The following EVPL variants were observed in gnomAD, a reference collection of about 807,000 sequenced individuals.
The protein encoded by EVPL is envoplakin.
A neutral mutation model predicts 129.7 loss-of-function variants in EVPL; 94 were observed. That is an observed-to-expected ratio of 0.72 (90% CI 0.61 to 0.86). The LOEUF (loss-of-function observed/expected upper bound fraction) is 0.86, where lower values mean the gene tolerates loss of function less well. Ranked by LOEUF, EVPL falls within the 40% of genes least tolerant of loss-of-function variation. The pLI, the probability that EVPL is intolerant of heterozygous loss-of-function variation, is 0.00. For synonymous variants in EVPL, 1,172 were observed against 1,191.1 expected (o/e 0.98, Z 0.33); for missense variants, 2,625 against 2,721.1 (o/e 0.96, Z 0.79).
At position 76,008,600 on chromosome 17, in the gene EVPL, C is replaced by T. The variant is rs2066344464; in HGVS notation, c.4605G>A (p.Glu1535=). Reference sequence around the variant, plus strand: ...TGAGCATCTCCCACACGCGGGCCCGCTCATCTTCCAGGACGCGGTCCTTCT... The same window carrying T: ...TGAGCATCTCCCACACGCGGGCCCGTTCATCTTCCAGGACGCGGTCCTTCT... ...RVQKDRVLED[E]RARVWEMLNR... Residue 1535 remains glutamate (E), a synonymous_variant, in exon 22 of 22, where the codon GAG becomes GAA. Coordinates refer to ENST00000301607, the MANE Select transcript of EVPL (RefSeq NM_001988.4). This position sits in a 1 kb window ranked among gnomAD's most constrained non-coding sequence, Gnocchi z 7.4. 6.2e-7 allele frequency: 1 copy of T among 1,611,762 alleles called. No individual in the cohort carries two copies. Among genetic ancestry groups the T allele is most frequent in the African/African-American group, 1.3e-5 (1 of 74,962 alleles).
rs2290251 is a variant in EVPL, at chr17:76,011,765, A to G, written c.2568+7T>C. 496,379 of 1,610,810 alleles carry G rather than the reference A, an allele frequency of 0.31. 77,857 individuals are homozygous for G. The highest frequency in any genetic ancestry group is 0.33 in the Middle Eastern group (1,977 of 6,050). On this transcript the variant is annotated splice_region_variant and intron_variant, in intron 20 of 21. Transcript: ENST00000301607. The stretch of plus-strand genomic sequence containing the variant: ...GGTCCACTGAGCCCCGCAAGGTCCC[A>G]TCTCACCTGGGCTTGGATGCTCTCT...
In EVPL at chr17:76,008,843, G is replaced by A; in HGVS notation, c.4362C>T (p.Pro1454=). The change falls in exon 22 of 22, where the codon CCC becomes CCT. Residue 1454 remains proline (P), a synonymous_variant. Coordinates refer to ENST00000301607, the MANE Select transcript of EVPL (RefSeq NM_001988.4). This position sits in a 1 kb window ranked among gnomAD's most constrained non-coding sequence, Gnocchi z 7.4. ...LRIQELEKRP[P]TVQEKIIMEE... ...CCATGATGATCTTCTCCTGCACCGT[G>A]GGAGGCCGCTTCTCGAGCTCCTGGA... 2 of 1,613,926 alleles carry A rather than the reference G, an allele frequency of 1.2e-6. No individual in the cohort carries two copies. Among genetic ancestry groups the A allele is most frequent in the Non-Finnish European group, 1.7e-6 (2 of 1,179,982 alleles).
rs1055303658 is a variant in EVPL at position 76,008,771 on chromosome 17, C to T, written c.4434G>A (p.Thr1478=). 2 of 1,614,038 alleles carry T rather than the reference C, an allele frequency of 1.2e-6. No homozygotes were observed. The highest frequency in any genetic ancestry group is 1.7e-6 in the Non-Finnish European group (2 of 1,180,046). The change falls in exon 22 of 22, where the codon ACG becomes ACA. Residue 1478 remains threonine, a synonymous_variant. Coordinates refer to ENST00000301607, the MANE Select transcript of EVPL (RefSeq NM_001988.4). This position sits in a 1 kb window ranked among gnomAD's most constrained non-coding sequence, Gnocchi z 7.4. ...GGTCCAGGTCCCACCGCAGGGCTTCCGTGGACTTCTCCAGGTCCGGGTCCT... is the reference window on the plus strand; with the variant it reads ...GGTCCAGGTCCCACCGCAGGGCTTCTGTGGACTTCTCCAGGTCCGGGTCCT... ...LEKDPDLEKS[T]EALRWDLDQE...
In EVPL at chr17:76,009,482, C is replaced by T. The variant is rs866389061; in HGVS notation, c.3723G>A (p.Leu1241=). 2 of 1,614,056 alleles carry T rather than the reference C, an allele frequency of 1.2e-6. No individual in the cohort carries two copies. The highest frequency in any genetic ancestry group is 1.7e-6 in the Non-Finnish European group (2 of 1,180,056). ...ACTCCACCGTGGGCTTCTGGGCCCGCAGGACCTCCAGGTCGGGCAGCAGCT... is the reference window on the plus strand; with the variant it reads ...ACTCCACCGTGGGCTTCTGGGCCCGTAGGACCTCCAGGTCGGGCAGCAGCT... ...VEKLLPDLEV[L]RAQKPTVEYK... Residue 1241 remains leucine, a synonymous_variant, in exon 22 of 22, where the codon CTG becomes CTA. Transcript: ENST00000301607. The surrounding 1 kb of genome is among the most constrained non-coding windows in gnomAD (Gnocchi z 5.9).
intron 18 of EVPL, 75 bp downstream of exon 18, chr17:76,014,329 TCCGTGGCCTGGGCTTTGAAGCC>T: frequency 6.8e-7 from 1 of 1,463,302 alleles, no homozygotes. Flanking sequence ...GCCCAGGGCC[TCCGTGGCCTGGGCTTTGAAGCC>T]CCTTAGAGCG....
intron 4 of EVPL, 78 bp downstream of exon 4, chr17:76,023,214 C>G (rs2144438889): frequency 6.3e-7 from 1 of 1,587,566 alleles, no homozygotes; most frequent in East Asian, 2.2e-5. Context: ...ACTATTCAAG[C>G]CTGCAGTCAG....
At position 76,018,550 on chromosome 17, in the gene EVPL, C is replaced by T. The variant is rs779731918; in HGVS notation, c.1335G>A (p.Pro445=). ...CAGGGCCCTGCACGACCCAGGCGTG[C>T]GGGTCAGTGTTATCTACCAGCTTAT... The part of the protein sequence containing the change: ...ERYKLVDNTD[P]HAWVVQGPGG... The change falls in exon 12 of 22, where the codon CCG becomes CCA. Residue 445 remains proline, a synonymous_variant. Transcript: ENST00000301607. The T allele has an allele frequency of 8.7e-6, 14 of 1,611,966 alleles. No homozygotes were observed. Among genetic ancestry groups the T allele is most frequent in the Admixed American group, 6.7e-5 (4 of 59,696 alleles).
chr17:76,011,497 C>G (rs2066376024), intron 21 of EVPL, 79 bp downstream of exon 21: 4 of 1,267,684 alleles, frequency 3.2e-6, no homozygotes, highest in Non-Finnish European at 4.6e-6. Flanking sequence ...AGGGTGACAG[C>G]CTGGCATTTT....
Position 76,018,551 on chromosome 17 carries a change from G to A in EVPL, c.1334C>T (p.Pro445Leu), listed in dbSNP as rs1396865086. The change falls in exon 12 of 22, where the codon CCG becomes CTG. Residue 445 changes from proline (P) to leucine (L), a missense_variant. By Grantham distance (98) the Pro-to-Leu change is moderately conservative. This residue lies in a region of EVPL where 1,024 missense variants were observed against 997.5 expected (regional missense o/e 1.03). Coordinates refer to ENST00000301607, the MANE Select transcript of EVPL (RefSeq NM_001988.4). ...ERYKLVDNTD[P>L]HAWVVQGPGG... ...AGGGCCCTGCACGACCCAGGCGTGC[G>A]GGTCAGTGTTATCTACCAGCTTATA... The A allele has an allele frequency of 2.5e-5, 40 of 1,612,146 alleles. No individual in the cohort carries two copies. The highest frequency in any genetic ancestry group is 6.7e-5 in the African/African-American group (5 of 74,998).
Position 76,022,864 on chromosome 17 carries a change from G to A in EVPL, c.481-326C>T, listed in dbSNP as rs9906343. 6.6e-6 allele frequency among the ~76,000 whole-genome samples: 1 copy of A among 152,040 alleles called. No individual in the cohort carries two copies. The highest frequency in any genetic ancestry group is 1.5e-5 in the Non-Finnish European group (1 of 68,004). On this transcript the variant is annotated intron_variant, in intron 4 of 21. Coordinates refer to ENST00000301607, the MANE Select transcript of EVPL (RefSeq NM_001988.4). The surrounding 1 kb of genome is among the most constrained non-coding windows in gnomAD (Gnocchi z 5.6). Reference sequence around the variant, plus strand: ...GCCCTCAGAATGCCCTGCTCCAGCCGGGCCCTTCCCCACTGTCCCTCTATT... The same window carrying A: ...GCCCTCAGAATGCCCTGCTCCAGCCAGGCCCTTCCCCACTGTCCCTCTATT...
chr17:76,014,686 C>G lies in EVPL; in HGVS notation c.2223-110G>C, dbSNP rs866398032. 4.0e-5 allele frequency: 58 copies of G among 1,435,930 alleles called. No individual in the cohort carries two copies. The African/African-American group carries it at 5.5e-4, about 14-fold the overall frequency. The allele number at this position is 1,435,930 out of a possible 1,614,324, so 88.9% of individuals were successfully genotyped here. ...CCTCCTGGGGGCAGGTCAGGAGGCC[C>G]GAGTGGCCTGCTGTGCAGATCCCCA... On this transcript the variant is annotated intron_variant, in intron 17 of 21. Transcript: ENST00000301607.
In EVPL at chr17:76,013,441, C is replaced by A. The variant is rs775956809; in HGVS notation, c.2373+985G>T. 6.6e-6 allele frequency among the ~76,000 whole-genome samples: 1 copy of A among 152,188 alleles called. No homozygotes were observed. Among genetic ancestry groups the A allele is most frequent in the South Asian group, 2.1e-4 (1 of 4,834 alleles). Reference sequence around the variant, plus strand: ...ACGTCCACCTCCCCGCTGCCCTCGGCTGTCCTGGCCACCTCATTTCAGCAT... The same window carrying A: ...ACGTCCACCTCCCCGCTGCCCTCGGATGTCCTGGCCACCTCATTTCAGCAT... On this transcript the variant is annotated intron_variant, in intron 18 of 21. Coordinates refer to ENST00000301607, the MANE Select transcript of EVPL (RefSeq NM_001988.4). The surrounding 1 kb of genome is among the most constrained non-coding windows in gnomAD (Gnocchi z 4.3).
chr17:76,026,808 A>G (rs1323008616), intron 1 of EVPL, among the ~76,000 whole-genome samples: 3 of 152,182 alleles, frequency 2.0e-5, no homozygotes, highest in East Asian at 3.9e-4. Flanking sequence ...GCTCCTGTCC[A>G]GCACTTCTCC....
rs374281304 is a variant in EVPL, at chr17:76,014,398, C to G, written c.2373+28G>C. 3.8e-6 allele frequency: 6 copies of G among 1,595,446 alleles called. No individual in the cohort carries two copies. In the African/African-American group the frequency reaches 6.8e-5, roughly 18 times the overall value. On this transcript the variant is annotated intron_variant, in intron 18 of 21. Transcript: ENST00000301607. ...TGGCCACTAGGGGGCCACATGGGCA[C>G]AGGCAGCTGTCCCTGCCCCAGCCTC...
Position 76,014,477 on chromosome 17 carries a change from C to A in EVPL, c.2322G>T (p.Val774=), listed in dbSNP as rs2066402069. Residue 774 remains valine (V), a synonymous_variant, in exon 18 of 22, where the codon GTG becomes GTT. Coordinates refer to ENST00000301607, the MANE Select transcript of EVPL (RefSeq NM_001988.4). The part of the protein sequence containing the change: ...SWLEHLPRSQ[V]RPSDGPSQIA... ...TCTGGCTGGGGCCGTCGCTGGGCCG[C>A]ACCTGGCTGCGGGGCAGGTGCTCCA... 2.5e-6 allele frequency: 4 copies of A among 1,612,106 alleles called. No homozygotes were observed. Among genetic ancestry groups the A allele is most frequent in the Non-Finnish European group, 3.4e-6 (4 of 1,179,542 alleles).
chr17:76,011,413 A>G (rs2066375326), intron 21 of EVPL, 163 bp downstream of exon 21: 1 of 660,948 alleles, frequency 1.5e-6, no homozygotes, highest in Non-Finnish European at 2.7e-6. Context: ...GGTGGCTGGA[A>G]TCCGCTCCCC....
Position 76,015,964 on chromosome 17 carries a change from C to T in EVPL, c.1711-336G>A, listed in dbSNP as rs561805085. 3.3e-5 allele frequency among the ~76,000 whole-genome samples: 5 copies of T among 152,052 alleles called. No individual in the cohort carries two copies. The South Asian group carries it at 8.3e-4, about 25-fold the overall frequency. ...ATCGAGACCAGCCTGGCCAACATGG[C>T]GAAACCCTGTCTCTACTAAAAATAC... On this transcript the variant is annotated intron_variant, in intron 14 of 21. Coordinates refer to ENST00000301607, the MANE Select transcript of EVPL (RefSeq NM_001988.4).
At chr17:76,018,396 C>T (rs1201357491) in intron 12 of EVPL, 50 bp downstream of exon 12, 16 of 1,566,922 alleles carry the variant, frequency 1.0e-5, no homozygotes, top group East Asian at 6.9e-5. Flanking sequence ...ACCGCAGGGC[C>T]GGCCTGCTCT....
At position 76,009,029 on chromosome 17, in the gene EVPL, G is replaced by A; in HGVS notation, c.4176C>T (p.Ser1392=). The A allele has an allele frequency of 2.5e-6, 4 of 1,613,010 alleles. No homozygotes were observed. Among genetic ancestry groups the A allele is most frequent in the Non-Finnish European group, 2.5e-6 (3 of 1,179,856 alleles). ...PKLREEHSRL[S]GSLDEEVGRR... ...GGCCCACCTCCTCATCCAGGCTCCC[G>A]CTCAGCCGGCTGTGCTCCTCGCGCA... is the stretch of plus-strand genomic sequence containing the variant. The change falls in exon 22 of 22, where the codon AGC becomes AGT. Residue 1392 remains serine (S), a synonymous_variant. Coordinates refer to ENST00000301607, the MANE Select transcript of EVPL (RefSeq NM_001988.4). This position sits in a 1 kb window ranked among gnomAD's most constrained non-coding sequence, Gnocchi z 5.9.
Sources: allele counts gnomAD v4.1 joint callset (sites outside exome capture counted in the v4.1 genomes callset), GRCh38; gene constraint gnomAD v4.1.1; regional missense constraint gnomAD v4.1.1; non-coding constraint Gnocchi (gnomAD v3.1); transcripts MANE v1.5; gene names NCBI Gene and HGNC (gene_info 2026-07-23, HGNC 2026-07-21).